NDRG3: variants seen among roughly 807,000 people sequenced by gnomAD.
NDRG3 encodes the protein NDRG family member 3.
In NDRG3, 23 loss-of-function variants were observed where a neutral mutation model predicts 57.2. The ratio of observed to expected loss-of-function variants is 0.40; its 90% confidence interval spans 0.29 to 0.57. The LOEUF is 0.57. NDRG3 is among the 20% of genes least tolerant of loss of function. The pLI is 0.42. For synonymous variants in NDRG3, 132 were observed against 162.6 expected (o/e 0.81, Z 1.43); for missense variants, 384 against 457.3 (o/e 0.84, Z 1.46).
chr20:36,716,196 G>A (rs1432851232), intron 2 of NDRG3, among the ~76,000 whole-genome samples: 1 of 151,902 alleles, frequency 6.6e-6, no homozygotes, highest in Non-Finnish European at 1.5e-5. Context: ...CTGCTTACAT[G>A]TTGTGATTAG....
rs561338902 is a variant in NDRG3, at chr20:36,730,950, A to G, written c.-48-9167T>C. Among the ~76,000 whole-genome samples, 279 of 152,052 alleles carry G rather than the reference A, an allele frequency of 1.8e-3. 1 individual carries two copies. Among genetic ancestry groups the G allele is most frequent in the Non-Finnish European group, 2.2e-3 (148 of 67,966 alleles). ...GAGATGCTGTCTCGAAAAAAAAAAAAAAAGAAAGAAAGAAAAAAAGTAGAA... is the reference window on the plus strand; with the variant it reads ...GAGATGCTGTCTCGAAAAAAAAAAAGAAAGAAAGAAAGAAAAAAAGTAGAA... On this transcript the variant is annotated intron_variant, in intron 1 of 15. Transcript: ENST00000349004.
At position 36,671,381 on chromosome 20, in the gene NDRG3, G is replaced by T; in HGVS notation, c.548C>A (p.Thr183Asn). 6.2e-7 allele frequency: 1 copy of T among 1,613,934 alleles called. No individual in the cohort carries two copies. Among genetic ancestry groups the T allele is most frequent in the Non-Finnish European group, 8.5e-7 (1 of 1,179,864 alleles). ...WAASKLSGLT[T>N]NVVDIILAHH... The stretch of plus-strand genomic sequence containing the variant: ...AGCCAAAATAATGTCCACAACATTG[G>T]TTGTCAGGCCAGAGAGCTGAAAAGA... The change falls in exon 9 of 16, where the codon ACC (threonine) becomes AAC (asparagine). Residue 183 changes from threonine to asparagine, a missense_variant. Coordinates refer to ENST00000349004, the MANE Select transcript of NDRG3 (RefSeq NM_032013.4).
At chr20:36,744,138 G>A (rs1440917148) in intron 1 of NDRG3, among the ~76,000 whole-genome samples, 2 of 151,974 alleles carry the variant, frequency 1.3e-5, no homozygotes, top group African/African-American at 2.4e-5. Flanking sequence ...TCCCGAACTC[G>A]TGATCCACCC....
chr20:36,734,134 C>T (rs531772990), intron 1 of NDRG3, among the ~76,000 whole-genome samples: 25 of 151,788 alleles, frequency 1.6e-4, no homozygotes, highest in African/African-American at 4.8e-4. Context: ...CCAAGGCAGG[C>T]GGATCACCTT....
chr20:36,733,684 G>A (rs889639462), intron 1 of NDRG3, among the ~76,000 whole-genome samples: 19 of 151,348 alleles, frequency 1.3e-4, no homozygotes, highest in Non-Finnish European at 2.1e-4. Context: ...GTGACAGAGC[G>A]AGACTCCATC....
rs559499170 is a variant in NDRG3 at position 36,702,521 on chromosome 20, A to G, written c.93+4451T>C. 1.3e-4 allele frequency among the ~76,000 whole-genome samples: 19 copies of G among 151,808 alleles called. No homozygotes were observed. In the South Asian group the frequency reaches 3.3e-3, roughly 27 times the overall value. ...CTGGGTATAGTTTTTGTTATACAAG[A>G]TTTTTGTTTGTTTGTTTTTGAGACA... On this transcript the variant is annotated intron_variant, in intron 3 of 15. Transcript: ENST00000349004.
intron 3 of NDRG3, among the ~76,000 whole-genome samples, chr20:36,694,823 TCTCAA>T (rs1982637519): frequency 6.6e-6 from 1 of 152,050 alleles, no homozygotes; most frequent in Non-Finnish European, 1.5e-5. Flanking sequence ...AGTAGCGTGA[TCTCAA>T]CTCACTGCAT....
At chr20:36,733,068 G>GC (rs892620817) in intron 1 of NDRG3, among the ~76,000 whole-genome samples, 4 of 145,650 alleles carry the variant, frequency 2.7e-5, no homozygotes, top group Non-Finnish European at 4.5e-5. Flanking sequence ...GACTGCTTGA[G>GC]CCCAGAAGGT....
At chr20:36,676,049 G>C (rs1568633152) in intron 8 of NDRG3, among the ~76,000 whole-genome samples, 1 of 151,954 alleles carries the variant, frequency 6.6e-6, no homozygotes, top group Non-Finnish European at 1.5e-5. Context: ...GACCATCCTG[G>C]CGAACACGGT....
At chr20:36,684,386 G>A in intron 6 of NDRG3, 27 bp downstream of exon 6, 1 of 1,589,244 alleles carries the variant, frequency 6.3e-7, no homozygotes, top group Non-Finnish European at 8.6e-7. Context: ...AATAAAAACT[G>A]CATGAAAGAC....
At chr20:36,654,736 T>C (rs1600845307) in intron 15 of NDRG3, 2 of 778,036 alleles carry the variant, frequency 2.6e-6, no homozygotes, top group Admixed American at 1.7e-5. Context: ...GCGGACATGC[T>C]GCAGGCAGCC....
chr20:36,744,970 G>GC (rs1568680926), intron 1 of NDRG3, among the ~76,000 whole-genome samples: 3 of 145,102 alleles, frequency 2.1e-5, no homozygotes, highest in South Asian at 2.2e-4. Context: ...CAGGGTAAGG[G>GC]GGGGGGGGGG....
intron 3 of NDRG3, among the ~76,000 whole-genome samples, chr20:36,690,219 T>C (rs1982150645): frequency 6.6e-6 from 1 of 152,242 alleles, no homozygotes; most frequent in Admixed American, 6.5e-5. Flanking sequence ...TCCTAAAAGA[T>C]CTTAACCAAG....
chr20:36,721,658 T>A (rs1984600524), intron 2 of NDRG3, 21 bp downstream of exon 2: 9 of 1,498,716 alleles, frequency 6.0e-6, no homozygotes, highest in Admixed American at 1.8e-5. Context: ...CATATTTTAG[T>A]GAAAACAGAA....
chr20:36,698,302 C>T (rs1335558834), intron 3 of NDRG3, among the ~76,000 whole-genome samples: 1 of 151,138 alleles, frequency 6.6e-6, no homozygotes, highest in Non-Finnish European at 1.5e-5. Flanking sequence ...TCTCCGGAAG[C>T]TTTCTGACTG....
In NDRG3 at chr20:36,721,778, G is replaced by A; in HGVS notation, c.-43C>T. ...GTAGAGGAATCTCAAGAATAAATCA[G>A]TAACTCTGAAACAGAAAAGAAAGAA... On this transcript the variant is annotated 5_prime_UTR_variant, in exon 2 of 16. Transcript: ENST00000349004. The A allele has an allele frequency of 7.2e-7, 1 of 1,383,508 alleles. No homozygotes were observed. The highest frequency in any genetic ancestry group is 1.0e-6 in the Non-Finnish European group (1 of 984,830). 85.7% of individuals were successfully genotyped at this position (1,383,508 alleles called of 1,614,324 possible). A position where few individuals can be genotyped will look rare whatever the true frequency, so the allele number is the denominator to read the frequency against.
chr20:36,674,608 T>C (rs1488503148), intron 8 of NDRG3, among the ~76,000 whole-genome samples: 1 of 150,868 alleles, frequency 6.6e-6, no homozygotes, highest in Non-Finnish European at 1.5e-5. Flanking sequence ...TTTTTTTTTT[T>C]TTTTTTTAAG....
At chr20:36,721,989 C>A (rs1278689384) in intron 1 of NDRG3, among the ~76,000 whole-genome samples, 4 of 152,102 alleles carry the variant, frequency 2.6e-5, no homozygotes, top group Non-Finnish European at 5.9e-5. Context: ...TTGCCTAATA[C>A]CCCCAGTGAG....
At chr20:36,713,998 G>T (rs1024379401) in intron 2 of NDRG3, among the ~76,000 whole-genome samples, 3 of 152,140 alleles carry the variant, frequency 2.0e-5, no homozygotes, top group Admixed American at 6.6e-5. Flanking sequence ...ATGGGGGATT[G>T]TACAAGCAAG....
Sources: gnomAD v4.1 joint callset for allele counts (sites outside exome capture counted in the v4.1 genomes callset) on GRCh38, gnomAD v4.1.1 for gene constraint, MANE v1.5 for transcripts, NCBI Gene and HGNC (gene_info 2026-07-23, HGNC 2026-07-21) for gene names.